FCRL3: variants seen among roughly 807,000 people sequenced by gnomAD.
FCRL3 encodes the protein Fc receptor like 3.
FCRL3 carries 89 observed loss-of-function variants against 75.0 expected under a neutral mutation model. The ratio of observed to expected loss-of-function variants is 1.19; its 90% CI spans 1.00 to 1.42. FCRL3 has a LOEUF of 1.42. Ranked by LOEUF, FCRL3 falls within the 40% of genes most tolerant of loss-of-function variation. FCRL3 has a pLI of 0.00. For synonymous variants in FCRL3, 376 were observed against 348.5 expected, an observed-to-expected ratio of 1.08 and a Z score of -0.88; for missense variants, 946 against 880.0, an observed-to-expected ratio of 1.07 and a Z score of -0.95.
Position 157,681,009 on chromosome 1 carries a change from T to C in FCRL3, c.1929A>G (p.Pro643=), listed in dbSNP as rs4319323. The C allele has an allele frequency of 6.8e-3, 10,853 of 1,598,738 alleles. 626 individuals carry two copies. The African/African-American group carries it at 0.13, about 19-fold the overall frequency. The change falls in exon 12 of 15, where the codon CCA becomes CCG. Residue 643 remains proline (P), a synonymous_variant. Transcript: ENST00000368184. ...TGCTGTACATTGGCTCCAGCTCCAT[T>C]GGGGCTAGTGGTTTAGAGTGAGTGG... The part of the protein sequence containing the change: ...QEPTHSKPLA[P]MELEPMYSNV...
chr1:157,697,719 T>A lies in FCRL3; in HGVS notation c.499A>T (p.Arg167Trp), dbSNP rs755853023. ...TCAATGTCAAGTATGTAAAACTTCC[T>A]ATAAGCAGTACAATGATATTTGCTA... Reference protein sequence around the residue: ...DNSKYHCTAYRKFYILDIEVT... With the variant: ...DNSKYHCTAYWKFYILDIEVT... Residue 167 changes from arginine (R) to tryptophan (W), a missense_variant, in exon 5 of 15, where the codon AGG becomes TGG. Transcript: ENST00000368184. 2.4e-5 allele frequency: 38 copies of A among 1,613,856 alleles called. No individual in the cohort carries two copies. Among genetic ancestry groups the A allele is most frequent in the Non-Finnish European group, 3.1e-5 (37 of 1,179,860 alleles).
At position 157,677,988 on chromosome 1, in the gene FCRL3, A is replaced by G; in HGVS notation, c.*722T>C. 1 of 985,402 alleles carries G rather than the reference A, an allele frequency of 1.0e-6. No individual in the cohort carries two copies. Among genetic ancestry groups the G allele is most frequent in the Non-Finnish European group, 1.2e-6 (1 of 829,908 alleles). 61.0% of individuals were successfully genotyped at this position (985,402 alleles called of 1,614,324 possible). On this transcript the variant is annotated 3_prime_UTR_variant, in exon 15 of 15. Transcript: ENST00000368184. ...AATAAAACTGACTGACTAGAAATCT[A>G]TCATGTATGGCAAATGATGAGACTA... is the stretch of plus-strand genomic sequence containing the variant.
At chr1:157,684,842 C>T (rs1169769768) in intron 10 of FCRL3, among the ~76,000 whole-genome samples, 1 of 152,104 alleles carries the variant, frequency 6.6e-6, no homozygotes, top group African/African-American at 2.4e-5. Flanking sequence ...GAGTGATTCA[C>T]TCAGGCAAGG....
intron 4 of FCRL3, 40 bp downstream of exon 4, chr1:157,698,344 C>T (rs1274631550): frequency 6.2e-7 from 1 of 1,610,966 alleles, no homozygotes; most frequent in Admixed American, 1.7e-5. Context: ...GGCATTCTGC[C>T]TGGTGGCTTG....
chr1:157,689,707 G>A, intron 10 of FCRL3, 91 bp downstream of exon 10: 2 of 1,537,040 alleles, frequency 1.3e-6, no homozygotes, highest in Non-Finnish European at 1.8e-6. Flanking sequence ...ACTTGGAAGG[G>A]AATACTTGAC....
chr1:157,700,063 T>G (rs1179227403), intron 2 of FCRL3, among the ~76,000 whole-genome samples: 3 of 152,228 alleles, frequency 2.0e-5, no homozygotes. Flanking sequence ...GATTAAATTT[T>G]GGCTTAAAAC....
rs77252409 is a variant in FCRL3 at position 157,697,149 on chromosome 1, G to A, written c.835C>T (p.Arg279Cys). The change falls in exon 6 of 15, where the codon CGT becomes TGT. Residue 279 changes from arginine to cysteine, a missense_variant. Physicochemically the swap from Arg to Cys is radical, Grantham distance 180. Transcript: ENST00000368184. ...CCCCTTAGACACTCACTCTGTACAC[G>A]TATCTGAGATCTCAGGCTCCTTTTT... ...IKKRSLRSQI[R>C]VQRVPVSNVN... 5,226 of 1,503,480 alleles carry A rather than the reference G, an allele frequency of 3.5e-3. 135 individuals are homozygous for A. The African/African-American group carries it at 0.061, about 18-fold the overall frequency. 93.1% of individuals were successfully genotyped at this position (1,503,480 alleles called of 1,614,324 possible). A position where few individuals can be genotyped will look rare whatever the true frequency, so the allele number is the denominator to read the frequency against.
Position 157,698,581 on chromosome 1 carries a change from G to T in FCRL3, c.101C>A (p.Ala34Asp). 1 of 1,613,946 alleles carries T rather than the reference G, an allele frequency of 6.2e-7. No individual in the cohort carries two copies. The highest frequency in any genetic ancestry group is 8.5e-7 in the Non-Finnish European group (1 of 1,179,776). Residue 34 changes from alanine to aspartate, a missense_variant, in exon 4 of 15, where the codon GCC becomes GAC. Physicochemically the swap from Ala to Asp is moderately radical, Grantham distance 126. Transcript: ENST00000368184. ...GAGAGCCACTTTTTCTCCTTTGAAG[G>T]CTGTGGACCATGGAGGATTGAGGAG... ...VLLLNPPWST[A>D]FKGEKVALIC...
At chr1:157,679,944 A>T (rs901237887) in intron 13 of FCRL3, among the ~76,000 whole-genome samples, 1 of 151,544 alleles carries the variant, frequency 6.6e-6, no homozygotes, top group Admixed American at 6.6e-5. Context: ...AACAAGCATT[A>T]TGGGCACCAA....
chr1:157,682,490 T>C (rs1450028176), intron 11 of FCRL3, among the ~76,000 whole-genome samples: 2 of 152,206 alleles, frequency 1.3e-5, no homozygotes, highest in Non-Finnish European at 2.9e-5. Context: ...GCACCATTTA[T>C]TAATAAAGTA....
chr1:157,697,625 C>G (rs748758279), intron 5 of FCRL3, 34 bp downstream of exon 5: 3 of 1,590,936 alleles, frequency 1.9e-6, no homozygotes, highest in South Asian at 2.3e-5. Context: ...GTTTCCCTAA[C>G]AAACCCAGTA....
rs1448981338 is a variant in FCRL3, at chr1:157,697,662, G to A, written c.556C>T (p.Gln186Ter). ...TCCACAGGAATCTAGCCATTACCTT[G>A]AACTTGGATATTTAGGGGTTTTGAA... ...VTSKPLNIQV[Q>*]ELFLHPVLRA... Residue 186 changes from glutamine (Q) to a stop codon, truncating the protein, a stop_gained, in exon 5 of 15, where the codon CAA becomes TAA. Coordinates refer to ENST00000368184, the MANE Select transcript of FCRL3 (RefSeq NM_052939.4). LOFTEE classifies it high-confidence loss of function. The A allele has an allele frequency of 6.2e-7, 1 of 1,612,454 alleles. No individual in the cohort carries two copies. The highest frequency in any genetic ancestry group is 1.1e-5 in the South Asian group (1 of 90,678).
In FCRL3 at chr1:157,697,181, C is replaced by T. The variant is rs1289944425; in HGVS notation, c.803G>A (p.Ser268Asn). 2 of 1,521,884 alleles carry T rather than the reference C, an allele frequency of 1.3e-6. No individual in the cohort carries two copies. Among genetic ancestry groups the T allele is most frequent in the African/African-American group, 1.4e-5 (1 of 71,558 alleles). 94.3% of individuals were successfully genotyped at this position (1,521,884 alleles called of 1,614,324 possible). ...YWCEVETVTH[S>N]IKKRSLRSQI... ...AGATCTCAGGCTCCTTTTTTTGATG[C>T]TGTGAGTCACTGTCTCCACCTCACA... The change falls in exon 6 of 15, where the codon AGC becomes AAC. Residue 268 changes from serine (S) to asparagine (N), a missense_variant. Ser to Asn is a conservative substitution (Grantham distance 46). Transcript: ENST00000368184.
rs1301575070 is a variant in FCRL3, at chr1:157,698,367, C to T, written c.298+17G>A. 6.2e-7 allele frequency: 1 copy of T among 1,613,744 alleles called. No homozygotes were observed. The highest frequency in any genetic ancestry group is 1.3e-5 in the African/African-American group (1 of 74,920). The stretch of plus-strand genomic sequence containing the variant: ...GCCTGGTGGCTTGACTTTAGACACT[C>T]CCCTTCCATTCCTCACCAGGTGAAA... On this transcript the variant is annotated intron_variant, in intron 4 of 14. Transcript: ENST00000368184.
At chr1:157,698,307 A>G in intron 4 of FCRL3, 77 bp downstream of exon 4, 1 of 1,544,690 alleles carries the variant, frequency 6.5e-7, no homozygotes, top group Non-Finnish European at 8.8e-7. Flanking sequence ...AACTCTGCCT[A>G]GGATCCCTGC....
chr1:157,695,983 A>G, intron 7 of FCRL3, 57 bp downstream of exon 7: 1 of 1,409,540 alleles, frequency 7.1e-7, no homozygotes, highest in Non-Finnish European at 9.4e-7. Flanking sequence ...AGTGGCTGAC[A>G]GAGAACCTAA....
chr1:157,682,532 G>C (rs1457232223), intron 11 of FCRL3, among the ~76,000 whole-genome samples: 1 of 152,202 alleles, frequency 6.6e-6, no homozygotes, highest in Non-Finnish European at 1.5e-5. Flanking sequence ...GTGAAGCCCA[G>C]GGAAGCATTA....
chr1:157,697,294 T>C lies in FCRL3; in HGVS notation c.690A>G (p.Arg230=). Residue 230 remains arginine, a synonymous_variant, in exon 6 of 15, where the codon AGA becomes AGG. Transcript: ENST00000368184. ...PDVQLQFSLF[R]DSQTLGLGWS... ...AGCCCAATCCGAGGGTCTGGCTATCTCTGAAGAGGGAGAATTGCAGCTGGA... is the reference window on the plus strand; with the variant it reads ...AGCCCAATCCGAGGGTCTGGCTATCCCTGAAGAGGGAGAATTGCAGCTGGA... 6.2e-7 allele frequency: 1 copy of C among 1,612,650 alleles called. No individual in the cohort carries two copies. The highest frequency in any genetic ancestry group is 8.5e-7 in the Non-Finnish European group (1 of 1,179,136).
intron 13 of FCRL3, 118 bp downstream of exon 13, chr1:157,680,584 G>T (rs796649752): frequency 1.3e-6 from 1 of 762,500 alleles, no homozygotes; most frequent in East Asian, 2.6e-5. Context: ...GACACTATGG[G>T]AGGCAAGTAA....
Sources: allele counts gnomAD v4.1 joint callset (sites outside exome capture counted in the v4.1 genomes callset), GRCh38; gene constraint gnomAD v4.1.1; transcripts MANE v1.5; gene names NCBI Gene and HGNC (gene_info 2026-07-23, HGNC 2026-07-21).